Variants in ZC2HC1B observed in about 807,000 individuals in gnomAD.
ZC2HC1B encodes the protein zinc finger C2HC-type containing 1B.
Under a neutral mutation model 31.0 loss-of-function variants are expected in ZC2HC1B, and 36 were observed. The ratio of observed to expected loss-of-function variants is 1.16; its 90% CI spans 0.89 to 1.54. The LOEUF (loss-of-function observed/expected upper bound fraction) is 1.54. ZC2HC1B is among the 40% of genes most tolerant of loss of function. The probability of loss-of-function intolerance (pLI) is 0.00; values close to 1 mark genes in which losing one functional copy is unlikely to be tolerated. For missense variants in ZC2HC1B, 260 were observed against 268.6 expected (o/e 0.97, Z 0.22); for synonymous variants, 73 against 88.0 (o/e 0.83, Z 0.95).
At chr6:143,910,237 A>G (rs945630146) in intron 6 of ZC2HC1B, among the ~76,000 whole-genome samples, 2 of 152,122 alleles carry the variant, frequency 1.3e-5, no homozygotes, top group Non-Finnish European at 2.9e-5. Flanking sequence ...TGAATTTCTT[A>G]ATCTTGAGTT....
At position 143,870,253 on chromosome 6, in the gene ZC2HC1B, G is replaced by C. The variant is rs1240571913; in HGVS notation, c.28+5686G>C. On this transcript the variant is annotated intron_variant, in intron 1 of 7. Coordinates refer to ENST00000237275, the MANE Select transcript of ZC2HC1B (RefSeq NM_001013623.3). This position sits in a 1 kb window ranked among gnomAD's most constrained non-coding sequence, Gnocchi z 4.7. ...GAAAATTTTCCCTCACCACTTTCAG[G>C]GATGTCCTAGGAAGGGGCTGTCCTT... 6.6e-6 allele frequency among the ~76,000 whole-genome samples: 1 copy of C among 152,114 alleles called. No homozygotes were observed. The highest frequency in any genetic ancestry group is 2.4e-5 in the African/African-American group (1 of 41,416).
At chr6:143,907,252 G>A (rs1230153518) in intron 6 of ZC2HC1B, among the ~76,000 whole-genome samples, 1 of 152,170 alleles carries the variant, frequency 6.6e-6, no homozygotes, top group African/African-American at 2.4e-5. Flanking sequence ...ACATGTGCAT[G>A]TATCTTTATA....
chr6:143,881,801 C>G (rs760165252), intron 1 of ZC2HC1B: 9 of 152,106 alleles, frequency 5.9e-5, no homozygotes, highest in Non-Finnish European at 1.3e-4. Context: ...CCCTTCCTTC[C>G]TTATACTCAA....
At chr6:143,914,889 T>C (rs1777899614) in intron 6 of ZC2HC1B, among the ~76,000 whole-genome samples, 1 of 152,218 alleles carries the variant, frequency 6.6e-6, no homozygotes, top group Non-Finnish European at 1.5e-5. Context: ...AATCTATTTT[T>C]GTCTTTGGAT....
rs1054068559 is a variant in ZC2HC1B at position 143,918,741 on chromosome 6, T to A, written c.598+15589T>A. Among the ~76,000 whole-genome samples, 1 of 152,176 alleles carries A rather than the reference T, an allele frequency of 6.6e-6. No homozygotes were observed. The highest frequency in any genetic ancestry group is 2.4e-5 in the African/African-American group (1 of 41,456). ...CCCTAAGGCTCTGTTCACCTTTCCT[T>A]AAGTTTTTCTCTTTCTGTTCCTCAG... is the stretch of plus-strand genomic sequence containing the variant. On this transcript the variant is annotated intron_variant, in intron 6 of 7. Transcript: ENST00000237275. This position sits in a 1 kb window ranked among gnomAD's most constrained non-coding sequence, Gnocchi z 4.1.
At position 143,919,963 on chromosome 6, in the gene ZC2HC1B, A is replaced by G. The variant is rs149803013; in HGVS notation, c.598+16811A>G. On this transcript the variant is annotated intron_variant, in intron 6 of 7. Transcript: ENST00000237275. ...GTAATTAGTTTTTTCCTCATTTGGG[A>G]AAAACTTAACAGTGAGGTAGATACT... Among the ~76,000 whole-genome samples, 168 of 152,312 alleles carry G rather than the reference A, an allele frequency of 1.1e-3. 2 individuals are homozygous for G. The highest frequency in any genetic ancestry group is 3.7e-3 in the African/African-American group (152 of 41,580).
Position 143,870,592 on chromosome 6 carries a change from A to G in ZC2HC1B, c.28+6025A>G, listed in dbSNP as rs1204350040. 1.3e-5 allele frequency among the ~76,000 whole-genome samples: 2 copies of G among 152,204 alleles called. No individual in the cohort carries two copies. On this transcript the variant is annotated intron_variant, in intron 1 of 7. Transcript: ENST00000237275. The surrounding 1 kb of genome is among the most constrained non-coding windows in gnomAD (Gnocchi z 4.7). ...CACTTTATGGCTAGATGGGTCAGAA[A>G]GCACTCAGTTCATGATAGGCAGGTC...
intron 1 of ZC2HC1B, among the ~76,000 whole-genome samples, chr6:143,877,148 TG>T (rs1398198002): frequency 1.3e-5 from 2 of 150,054 alleles, no homozygotes; most frequent in Non-Finnish European, 3.0e-5. Context: ...CCGTCTGGAC[TG>T]GTATTCTAAT....
Position 143,872,418 on chromosome 6 carries a change from G to A in ZC2HC1B, c.28+7851G>A, listed in dbSNP as rs1777351520. ...CTATATGTGTCAGACTATTCTGATTGTTGCCACTTTGCCTCTGCAGTCCAT... is the reference window on the plus strand; with the variant it reads ...CTATATGTGTCAGACTATTCTGATTATTGCCACTTTGCCTCTGCAGTCCAT... On this transcript the variant is annotated intron_variant, in intron 1 of 7. Coordinates refer to ENST00000237275, the MANE Select transcript of ZC2HC1B (RefSeq NM_001013623.3). This position sits in a 1 kb window ranked among gnomAD's most constrained non-coding sequence, Gnocchi z 5.5. Among the ~76,000 whole-genome samples the A allele has an allele frequency of 6.6e-6, 1 of 152,200 alleles. No individual in the cohort carries two copies. Among genetic ancestry groups the A allele is most frequent in the South Asian group, 2.1e-4 (1 of 4,834 alleles).
Position 143,922,623 on chromosome 6 carries a change from CT to C in ZC2HC1B, c.599-15025del, listed in dbSNP as rs764404769. Reference sequence around the variant, plus strand: ...TTAATTCATTTAACAATAATGACCTCTAGTTCCATACACATTGCTGCAAATG... The same window carrying C: ...TTAATTCATTTAACAATAATGACCTCAGTTCCATACACATTGCTGCAAATG... On this transcript the variant is annotated intron_variant, in intron 6 of 7. Coordinates refer to ENST00000237275, the MANE Select transcript of ZC2HC1B (RefSeq NM_001013623.3). This position sits in a 1 kb window ranked among gnomAD's most constrained non-coding sequence, Gnocchi z 5.0. Among the ~76,000 whole-genome samples the C allele has an allele frequency of 3.9e-5, 6 of 152,166 alleles. No individual in the cohort carries two copies. The highest frequency in any genetic ancestry group is 5.9e-5 in the Non-Finnish European group (4 of 68,024).
chr6:143,938,182 C>T lies in ZC2HC1B; in HGVS notation c.*55C>T, dbSNP rs1217327521. On this transcript the variant is annotated 3_prime_UTR_variant, in exon 8 of 8. Transcript: ENST00000237275. The surrounding 1 kb of genome is among the most constrained non-coding windows in gnomAD (Gnocchi z 4.2). ...CCCATCAGCCTGGATGGTTGCGTAC[C>T]CGAGAATGCCACCTAAGGGGAAGGA... The T allele has an allele frequency of 6.6e-6, 1 of 152,462 alleles. No homozygotes were observed. The highest frequency in any genetic ancestry group is 1.5e-5 in the Non-Finnish European group (1 of 68,268). 9.4% of individuals were successfully genotyped at this position (152,462 alleles called of 1,614,324 possible). A position where few individuals can be genotyped will look rare whatever the true frequency, so the allele number is the denominator to read the frequency against.
intron 6 of ZC2HC1B, among the ~76,000 whole-genome samples, chr6:143,928,758 T>G (rs1019331052): frequency 6.6e-6 from 1 of 152,064 alleles, no homozygotes; most frequent in Non-Finnish European, 1.5e-5. Context: ...CTTAACTCTC[T>G]TTCATCAGTA....
intron 1 of ZC2HC1B, among the ~76,000 whole-genome samples, chr6:143,866,229 G>A (rs1472034401): frequency 3.3e-5 from 5 of 152,230 alleles, no homozygotes; most frequent in African/African-American, 9.6e-5. Context: ...CCCACCATAA[G>A]CTGAAAACAT....
rs1562347950 is a variant in ZC2HC1B, at chr6:143,924,760, G to C, written c.599-12889G>C. ...ATAAAATTCCTTTTCTCTGTCTCTT[G>C]AAATGATCATATTGTTTTTGTCTTT... On this transcript the variant is annotated intron_variant, in intron 6 of 7. Transcript: ENST00000237275. The surrounding 1 kb of genome is among the most constrained non-coding windows in gnomAD (Gnocchi z 5.2). Among the ~76,000 whole-genome samples the C allele has an allele frequency of 6.6e-6, 1 of 152,150 alleles. No homozygotes were observed. The highest frequency in any genetic ancestry group is 1.5e-5 in the Non-Finnish European group (1 of 68,018).
intron 5 of ZC2HC1B, among the ~76,000 whole-genome samples, chr6:143,900,181 G>T (rs1469706318): frequency 2.0e-5 from 3 of 152,060 alleles, no homozygotes; most frequent in African/African-American, 7.2e-5. Context: ...CCTGAGGTAG[G>T]GAGTTTGAGA....
At chr6:143,897,278 C>T (rs1777679427) in intron 4 of ZC2HC1B, among the ~76,000 whole-genome samples, 1 of 150,136 alleles carries the variant, frequency 6.7e-6, no homozygotes, top group South Asian at 2.1e-4. Context: ...GGGGTCGGGG[C>T]GGTGGGATTA....
In ZC2HC1B at chr6:143,902,663, T is replaced by TA. The variant is rs200021824; in HGVS notation, c.490-373dup. Among the ~76,000 whole-genome samples the TA allele has an allele frequency of 3.7e-3, 569 of 152,004 alleles. 1 individual carries two copies. Among genetic ancestry groups the TA allele is most frequent in the Non-Finnish European group, 6.2e-3 (419 of 67,944 alleles). On this transcript the variant is annotated intron_variant, in intron 5 of 7. Transcript: ENST00000237275. ...CCAATCTGTTTTTCTTTGTTCATGT[T>TA]AAAAAAAACAAAATAGTCTTCAAGT...
rs1159382104 is a variant in ZC2HC1B at position 143,870,881 on chromosome 6, C to T, written c.28+6314C>T. ...GGCCCAATTGACAGAGCAGCTTGCA[C>T]AGCAGCCTGGACCTGTTGTAGAGCC... On this transcript the variant is annotated intron_variant, in intron 1 of 7. Transcript: ENST00000237275. The surrounding 1 kb of genome is among the most constrained non-coding windows in gnomAD (Gnocchi z 4.7). 6.6e-6 allele frequency among the ~76,000 whole-genome samples: 1 copy of T among 152,180 alleles called. No individual in the cohort carries two copies. Among genetic ancestry groups the T allele is most frequent in the Non-Finnish European group, 1.5e-5 (1 of 68,026 alleles).
rs117515198 is a variant in ZC2HC1B at position 143,935,255 on chromosome 6, T to G, written c.599-2394T>G. Reference sequence around the variant, plus strand: ...GAAGCTGACCACAGGCAGGGTGAGCTGACCACAGGCAGGGTGGGTTGATCC... The same window carrying G: ...GAAGCTGACCACAGGCAGGGTGAGCGGACCACAGGCAGGGTGGGTTGATCC... On this transcript the variant is annotated intron_variant, in intron 6 of 7. Transcript: ENST00000237275. 2.1e-3 allele frequency among the ~76,000 whole-genome samples: 313 copies of G among 152,246 alleles called. 6 individuals carry two copies. In the East Asian group the frequency reaches 0.038, roughly 18 times the overall value.
Sources: allele counts gnomAD v4.1 joint callset (sites outside exome capture counted in the v4.1 genomes callset), GRCh38; gene constraint gnomAD v4.1.1; non-coding constraint Gnocchi (gnomAD v3.1); transcripts MANE v1.5; gene names NCBI Gene and HGNC (gene_info 2026-07-23, HGNC 2026-07-21).